CNTRL: variants seen among roughly 807,000 people sequenced by gnomAD.
CNTRL encodes the protein centriolin.
A neutral mutation model predicts 303.7 loss-of-function variants in CNTRL; 233 were observed. The ratio of observed to expected loss-of-function variants is 0.77; its 90% CI spans 0.69 to 0.86. The LOEUF (loss-of-function observed/expected upper bound fraction) is 0.86, where lower values mean the gene tolerates loss of function less well. CNTRL is among the 40% of genes least tolerant of loss of function. The pLI is 0.00. For missense variants in CNTRL, 2,524 were observed against 2,650.6 expected (o/e 0.95, Z 1.05); for synonymous variants, 900 against 922.2 (o/e 0.98, Z 0.44).
At chr9:121,152,811 T>A in intron 26 of CNTRL, 118 bp downstream of exon 26, 1 of 756,290 alleles carries the variant, frequency 1.3e-6, no homozygotes, top group Non-Finnish European at 2.1e-6. Context: ...CAGTAACCAC[T>A]AGCTCAGTGT....
intron 4 of CNTRL, among the ~76,000 whole-genome samples, chr9:121,090,984 C>A: frequency 6.6e-6 from 1 of 152,132 alleles, no homozygotes. Context: ...CTAAAGAGAG[C>A]TTGTGAAGGA....
At position 121,149,884 on chromosome 9, in the gene CNTRL, T is replaced by A. The variant is rs149995280; in HGVS notation, c.3650-286T>A. Reference sequence around the variant, plus strand: ...GATCTTGTATGTAGCATGAATTAGATACCCAGATGGTCACTTAATAAATTA... The same window carrying A: ...GATCTTGTATGTAGCATGAATTAGAAACCCAGATGGTCACTTAATAAATTA... On this transcript the variant is annotated intron_variant, in intron 24 of 43. Transcript: ENST00000373855. Among the ~76,000 whole-genome samples, 13 of 152,308 alleles carry A rather than the reference T, an allele frequency of 8.5e-5. No individual in the cohort carries two copies. The East Asian group carries it at 2.5e-3, about 29-fold the overall frequency.
chr9:121,093,163 T>TAGG (rs2048741241), intron 4 of CNTRL, among the ~76,000 whole-genome samples: 1 of 152,150 alleles, frequency 6.6e-6, no homozygotes, highest in Non-Finnish European at 1.5e-5. Context: ...CTTTGTTTTC[T>TAGG]TTATTCACTA....
chr9:121,172,582 A>C (rs1394470228), intron 40 of CNTRL, among the ~76,000 whole-genome samples: 1 of 152,176 alleles, frequency 6.6e-6, no homozygotes, highest in African/African-American at 2.4e-5. Flanking sequence ...TTGAGACTGC[A>C]GTGAGCCAAG....
intron 9 of CNTRL, 112 bp downstream of exon 9, chr9:121,112,690 T>A: frequency 1.8e-6 from 2 of 1,119,730 alleles, no homozygotes; most frequent in Admixed American, 4.0e-5. Context: ...CACTCCACTT[T>A]CTTGTTATGA....
At chr9:121,164,559 A>T (rs2057465) in intron 34 of CNTRL, among the ~76,000 whole-genome samples, 1 of 152,176 alleles carries the variant, frequency 6.6e-6, no homozygotes, top group East Asian at 1.9e-4. Context: ...AGCAAGTCCA[A>T]ACTGTATGAC....
rs1248246544 is a variant in CNTRL, at chr9:121,112,439, A to C, written c.1003-20A>C. On this transcript the variant is annotated intron_variant, in intron 8 of 43. Transcript: ENST00000373855. ...ACTTACTGATCCTGTATGTTGTCTCATATCAAATTGGGCCAATAGCTAAAA... is the reference window on the plus strand; with the variant it reads ...ACTTACTGATCCTGTATGTTGTCTCCTATCAAATTGGGCCAATAGCTAAAA... 6.2e-7 allele frequency: 1 copy of C among 1,610,028 alleles called. No homozygotes were observed. The highest frequency in any genetic ancestry group is 1.7e-5 in the Admixed American group (1 of 59,854).
At position 121,113,728 on chromosome 9, in the gene CNTRL, A is replaced by T. The variant is rs1279751205; in HGVS notation, c.1345+4A>T. The T allele has an allele frequency of 2.7e-6, 4 of 1,499,854 alleles. No homozygotes were observed. The highest frequency in any genetic ancestry group is 3.5e-6 in the Non-Finnish European group (4 of 1,127,986). 92.9% of individuals were successfully genotyped at this position (1,499,854 alleles called of 1,614,324 possible). A position where few individuals can be genotyped will look rare whatever the true frequency, so the allele number is the denominator to read the frequency against. On this transcript the variant is annotated splice_donor_region_variant and intron_variant, in intron 10 of 43. Coordinates refer to ENST00000373855, the MANE Select transcript of CNTRL (RefSeq NM_007018.6). Reference sequence around the variant, plus strand: ...AAAGAAAAAAAAATAAGTGCAGGTTAAAAAAAGTTATTTTAAATTCTTTAA... The same window carrying T: ...AAAGAAAAAAAAATAAGTGCAGGTTTAAAAAAGTTATTTTAAATTCTTTAA...
chr9:121,161,223 T>G, intron 32 of CNTRL: 2 of 421,646 alleles, frequency 4.7e-6, no homozygotes, highest in Middle Eastern at 6.2e-4. Flanking sequence ...TGATTTGGGG[T>G]GGTGAAATAA....
Position 121,107,996 on chromosome 9 carries a change from G to C in CNTRL, c.1002+1G>C. The C allele has an allele frequency of 6.4e-7, 1 of 1,566,106 alleles. No individual in the cohort carries two copies. Among genetic ancestry groups the C allele is most frequent in the Non-Finnish European group, 8.6e-7 (1 of 1,160,200 alleles). On this transcript the variant is annotated splice_donor_variant, in intron 8 of 43. Coordinates refer to ENST00000373855, the MANE Select transcript of CNTRL (RefSeq NM_007018.6). LOFTEE classifies it high-confidence loss of function. ...TGACTTAAACACAAAAAATGAATTGGTAAGTTCATATTTTACATTGCTTTG... is the reference window on the plus strand; with the variant it reads ...TGACTTAAACACAAAAAATGAATTGCTAAGTTCATATTTTACATTGCTTTG...
chr9:121,105,511 A>G (rs1276470142), intron 7 of CNTRL, among the ~76,000 whole-genome samples: 1 of 152,226 alleles, frequency 6.6e-6, no homozygotes, highest in East Asian at 1.9e-4. Flanking sequence ...TAGTCATACA[A>G]ATTTTATGCT....
chr9:121,138,526 T>C lies in CNTRL; in HGVS notation c.2203-19T>C, dbSNP rs771031668. The C allele has an allele frequency of 3.7e-6, 6 of 1,606,816 alleles. No individual in the cohort carries two copies. In the South Asian group the frequency reaches 5.6e-5, roughly 15 times the overall value. On this transcript the variant is annotated intron_variant, in intron 15 of 43. Transcript: ENST00000373855. The stretch of plus-strand genomic sequence containing the variant: ...ATTGCTGTTTTACACTTTCATGTCA[T>C]TGCTTCCTATGGTGACAGTTAGAAC...
In CNTRL at chr9:121,096,671, T is replaced by C. The variant is rs887680609; in HGVS notation, c.621+108T>C. On this transcript the variant is annotated intron_variant, in intron 6 of 43. Coordinates refer to ENST00000373855, the MANE Select transcript of CNTRL (RefSeq NM_007018.6). ...TTTCTTCTTTTAAAGATTTTGCTCC[T>C]TTGACTAAACACTAGATTCAGACAT... 4 of 895,854 alleles carry C rather than the reference T, an allele frequency of 4.5e-6. No individual in the cohort carries two copies. In the African/African-American group the frequency reaches 6.8e-5, roughly 15 times the overall value. The allele number at this position is 895,854 out of a possible 1,614,324, so 55.5% of individuals were successfully genotyped here.
rs771182249 is a variant in CNTRL, at chr9:121,142,106, A to C, written c.2707A>C (p.Arg903=). The change falls in exon 19 of 44, where the codon AGG becomes CGG. Residue 903 remains arginine, a synonymous_variant. Transcript: ENST00000373855. ...ALEARMNFDK[R]QHEARIQQME... The stretch of plus-strand genomic sequence containing the variant: ...TTCTTCACAGATGAATTTTGATAAG[A>C]GGCAACATGAAGCAAGAATCCAGCA... 6.3e-7 allele frequency: 1 copy of C among 1,595,382 alleles called. No individual in the cohort carries two copies. The highest frequency in any genetic ancestry group is 1.8e-5 in the Admixed American group (1 of 55,740).
At chr9:121,142,715 A>C (rs1393483215) in intron 19 of CNTRL, among the ~76,000 whole-genome samples, 4 of 152,140 alleles carry the variant, frequency 2.6e-5, no homozygotes, top group African/African-American at 9.7e-5. Flanking sequence ...TAAAAATTGC[A>C]CCCACCTCTG....
In CNTRL at chr9:121,148,873, C is replaced by G. The variant is rs1489059020; in HGVS notation, c.3649+12C>G. ...GTTTCCAAGTAGAGGTAAGTCAAAT[C>G]ACATAGGAAAGTTGCATTTCTCTTG... On this transcript the variant is annotated intron_variant, in intron 24 of 43. Coordinates refer to ENST00000373855, the MANE Select transcript of CNTRL (RefSeq NM_007018.6). The G allele has an allele frequency of 2.5e-6, 4 of 1,607,170 alleles. No homozygotes were observed. The highest frequency in any genetic ancestry group is 3.4e-6 in the Non-Finnish European group (4 of 1,175,746).
At chr9:121,113,162 C>A (rs1401433601) in intron 9 of CNTRL, among the ~76,000 whole-genome samples, 1 of 151,952 alleles carries the variant, frequency 6.6e-6, no homozygotes, top group Non-Finnish European at 1.5e-5. Flanking sequence ...TTTATATGAG[C>A]CAAGAAACCA....
chr9:121,093,000 G>T (rs950430675), intron 4 of CNTRL, among the ~76,000 whole-genome samples: 2 of 149,994 alleles, frequency 1.3e-5, no homozygotes. Context: ...GTAGAGACAG[G>T]GTTTCACCAT....
intron 2 of CNTRL, among the ~76,000 whole-genome samples, chr9:121,082,070 A>G (rs545625178): frequency 6.6e-6 from 1 of 152,376 alleles, no homozygotes; most frequent in East Asian, 1.9e-4. Context: ...AACATCAAAT[A>G]TATAGGTTAA....
Sources: gnomAD v4.1 joint callset for allele counts (sites outside exome capture counted in the v4.1 genomes callset) on GRCh38, gnomAD v4.1.1 for gene constraint, MANE v1.5 for transcripts, NCBI Gene and HGNC (gene_info 2026-07-23, HGNC 2026-07-21) for gene names.